The following LHFPL3 variants were observed in gnomAD, a reference collection of about 807,000 sequenced individuals.
The protein encoded by LHFPL3 is LHFPL tetraspan subfamily member 3 protein.
Under a neutral mutation model 19.3 loss-of-function variants are expected in LHFPL3, and 5 were observed. The ratio of observed to expected loss-of-function variants is 0.26; its 90% confidence interval spans 0.14 to 0.54. The LOEUF (loss-of-function observed/expected upper bound fraction) is 0.54, where lower values mean the gene tolerates loss of function less well. LHFPL3 is among the 20% of genes least tolerant of loss of function. The pLI is 0.94. For synonymous variants in LHFPL3, 133 were observed against 126.2 expected (o/e 1.05, Z -0.36); for missense variants, 249 against 307.4 (o/e 0.81, Z 1.42).
At chr7:104,783,474 A>G (rs1407499421) in intron 2 of LHFPL3, among the ~76,000 whole-genome samples, 2 of 152,260 alleles carry the variant, frequency 1.3e-5, no homozygotes, top group Non-Finnish European at 2.9e-5. Flanking sequence ...TTTTGAAGCC[A>G]AGATTCAAAT....
intron 2 of LHFPL3, among the ~76,000 whole-genome samples, chr7:104,851,815 C>A (rs1272201123): frequency 6.6e-6 from 1 of 152,074 alleles, no homozygotes; most frequent in Non-Finnish European, 1.5e-5. Flanking sequence ...TCACCCGTGA[C>A]CTAAGATCCA....
intron 1 of LHFPL3, among the ~76,000 whole-genome samples, chr7:104,349,942 C>T (rs1437254991): frequency 6.6e-6 from 1 of 152,144 alleles, no homozygotes; most frequent in East Asian, 1.9e-4. Flanking sequence ...GTTCCTTTTG[C>T]CCACGATAGT....
chr7:104,589,860 A>C (rs765356244), intron 1 of LHFPL3, among the ~76,000 whole-genome samples: 3 of 152,068 alleles, frequency 2.0e-5, no homozygotes, highest in Non-Finnish European at 2.9e-5. Flanking sequence ...TGTGCCGAGG[A>C]ATTTATCCAT....
intron 1 of LHFPL3, among the ~76,000 whole-genome samples, chr7:104,558,952 C>G (rs1301497516): frequency 1.5e-4 from 23 of 148,462 alleles, no homozygotes; most frequent in African/African-American, 5.8e-4. Context: ...TTCCCCATTG[C>G]TTGTTTTTGT....
intron 2 of LHFPL3, among the ~76,000 whole-genome samples, chr7:104,870,143 A>C (rs1313934830): frequency 3.9e-5 from 6 of 152,190 alleles, no homozygotes; most frequent in Non-Finnish European, 8.8e-5. Context: ...CTAATGTTAA[A>C]TGACGAGTTA....
At chr7:104,654,271 C>A (rs868051617) in intron 1 of LHFPL3, among the ~76,000 whole-genome samples, 1 of 152,158 alleles carries the variant, frequency 6.6e-6, no homozygotes, top group African/African-American at 2.4e-5. Context: ...GGCCGACCAG[C>A]AGAATTTGTT....
chr7:104,419,989 C>CA (rs201327428), intron 1 of LHFPL3, among the ~76,000 whole-genome samples: 5 of 152,102 alleles, frequency 3.3e-5, no homozygotes, highest in Admixed American at 1.3e-4. Flanking sequence ...ACAACAACAA[C>CA]AAAAAACAGT....
intron 1 of LHFPL3, among the ~76,000 whole-genome samples, chr7:104,480,264 A>C (rs1793106739): frequency 6.6e-6 from 1 of 152,186 alleles, no homozygotes; most frequent in Admixed American, 6.5e-5. Context: ...AGATTAAATG[A>C]GGTTACATTT....
At chr7:104,762,353 T>C (rs1013843919) in intron 2 of LHFPL3, among the ~76,000 whole-genome samples, 11 of 152,176 alleles carry the variant, frequency 7.2e-5, no homozygotes, top group African/African-American at 2.7e-4. Flanking sequence ...TAGAATGTCA[T>C]GACCAATGAA....
chr7:104,463,527 A>G lies in LHFPL3; in HGVS notation c.445+134303A>G, dbSNP rs190617605. The stretch of plus-strand genomic sequence containing the variant: ...AATAAAGACATACACAAGACTGGGT[A>G]ACTTATAAAGGAAGAAGTTTTAATT... On this transcript the variant is annotated intron_variant, in intron 1 of 2. Transcript: ENST00000424859. Among the ~76,000 whole-genome samples the G allele has an allele frequency of 3.1e-3, 470 of 152,310 alleles. 1 individual carries two copies. Among genetic ancestry groups the G allele is most frequent in the African/African-American group, 0.011 (454 of 41,568 alleles).
chr7:104,636,939 T>C (rs947652507), intron 1 of LHFPL3, among the ~76,000 whole-genome samples: 2 of 152,216 alleles, frequency 1.3e-5, no homozygotes, highest in African/African-American at 4.8e-5. Flanking sequence ...GTTCTGTTTT[T>C]AGCTCTTTGA....
At chr7:104,902,644 G>A (rs62485455) in intron 2 of LHFPL3, among the ~76,000 whole-genome samples, 63,254 of 151,850 alleles carry the variant, frequency 0.42, 14,682 homozygotes, top group Middle Eastern at 0.54. Context: ...AAATTAGCTG[G>A]GCATGGTGGC....
intron 1 of LHFPL3, among the ~76,000 whole-genome samples, chr7:104,408,951 G>A (rs141344893): frequency 2.8e-5 from 4 of 141,472 alleles, no homozygotes; most frequent in South Asian, 2.2e-4. Context: ...TGCAAGCTCC[G>A]CCTCCGGGGC....
intron 1 of LHFPL3, among the ~76,000 whole-genome samples, chr7:104,567,696 G>A (rs1315992680): frequency 6.6e-6 from 1 of 152,190 alleles, no homozygotes; most frequent in African/African-American, 2.4e-5. Context: ...GTTGAGGAAA[G>A]GGGACTTCTT....
intron 1 of LHFPL3, among the ~76,000 whole-genome samples, chr7:104,733,605 C>T (rs947255909): frequency 1.3e-5 from 2 of 152,120 alleles, no homozygotes; most frequent in Non-Finnish European, 2.9e-5. Context: ...TTATTTTGAG[C>T]CTATGTGTGT....
chr7:104,403,318 C>CCTG (rs1791352138), intron 1 of LHFPL3, among the ~76,000 whole-genome samples: 1 of 152,188 alleles, frequency 6.6e-6, no homozygotes, highest in Non-Finnish European at 1.5e-5. Context: ...GCAGAGAATG[C>CCTG]CTGTAGTCTA....
chr7:104,433,844 A>C (rs2116565392), intron 1 of LHFPL3, among the ~76,000 whole-genome samples: 1 of 152,270 alleles, frequency 6.6e-6, no homozygotes, highest in Non-Finnish European at 1.5e-5. Context: ...CTACACTGTA[A>C]GATCCTTGGG....
chr7:104,814,923 G>A (rs1355405174), intron 2 of LHFPL3, among the ~76,000 whole-genome samples: 1 of 152,192 alleles, frequency 6.6e-6, no homozygotes, highest in Non-Finnish European at 1.5e-5. Context: ...AAGGGCAGGG[G>A]TGCCTTCCCA....
At chr7:104,439,293 AT>A (rs1395823581) in intron 1 of LHFPL3, among the ~76,000 whole-genome samples, 2 of 152,186 alleles carry the variant, frequency 1.3e-5, no homozygotes, top group Non-Finnish European at 2.9e-5. Flanking sequence ...TTCCTGACAA[AT>A]TTTATGATGC....
Sources: gnomAD v4.1 joint callset for allele counts (sites outside exome capture counted in the v4.1 genomes callset) on GRCh38, gnomAD v4.1.1 for gene constraint, MANE v1.5 for transcripts, NCBI Gene and HGNC (gene_info 2026-07-23, HGNC 2026-07-21) for gene names.